CCDC91: variants seen among roughly 807,000 people sequenced by gnomAD.
The protein encoded by CCDC91 is coiled-coil domain containing 91, also known as coiled-coil domain-containing protein 91.
CCDC91 carries 48 observed loss-of-function variants against 63.2 expected under a neutral mutation model. The ratio of observed to expected loss-of-function variants is 0.76; its 90% CI spans 0.60 to 0.97. The LOEUF (loss-of-function observed/expected upper bound fraction) is 0.97. Among genes scored for constraint, CCDC91 ranks in the 50% least tolerant of loss-of-function variants. The probability of loss-of-function intolerance (pLI) is 0.00; values close to 1 mark genes in which losing one functional copy is unlikely to be tolerated. For missense variants in CCDC91, 500 were observed against 494.6 expected (o/e 1.01, Z -0.10); for synonymous variants, 167 against 165.8 (o/e 1.01, Z -0.06).
At chr12:28,276,514 C>G (rs1437634763) in intron 3 of CCDC91, among the ~76,000 whole-genome samples, 1 of 151,896 alleles carries the variant, frequency 6.6e-6, no homozygotes, top group Non-Finnish European at 1.5e-5. Flanking sequence ...TTTCCTGTTT[C>G]TATCATATAC....
intron 8 of CCDC91, among the ~76,000 whole-genome samples, chr12:28,405,910 A>G (rs961659599): frequency 1.5e-4 from 23 of 152,098 alleles, no homozygotes; most frequent in African/African-American, 5.6e-4. Context: ...ATATAGTTAT[A>G]ATGTCTATGT....
At chr12:28,273,406 A>G (rs1032440535) in intron 3 of CCDC91, among the ~76,000 whole-genome samples, 10 of 152,162 alleles carry the variant, frequency 6.6e-5, no homozygotes, top group African/African-American at 2.4e-4. Context: ...ATCCCTGAGG[A>G]ATTGCCACAC....
At chr12:28,200,558 C>G (rs1294338351) in intron 1 of CCDC91, among the ~76,000 whole-genome samples, 1 of 146,788 alleles carries the variant, frequency 6.8e-6, no homozygotes, top group South Asian at 2.2e-4. Flanking sequence ...CCATTTAACC[C>G]TGAGTGGACA....
chr12:28,396,077 A>G (rs1946268194), intron 8 of CCDC91, among the ~76,000 whole-genome samples: 1 of 152,198 alleles, frequency 6.6e-6, no homozygotes, highest in East Asian at 1.9e-4. Flanking sequence ...AAATAGTAAT[A>G]CAAAACTACA....
intron 8 of CCDC91, among the ~76,000 whole-genome samples, chr12:28,402,799 A>G (rs1465890388): frequency 1.3e-5 from 2 of 152,074 alleles, no homozygotes; most frequent in Non-Finnish European, 2.9e-5. Context: ...GTTATTCTTT[A>G]TCAAGTTGAG....
At chr12:28,283,302 G>A (rs61922974) in intron 3 of CCDC91, among the ~76,000 whole-genome samples, 30,220 of 151,072 alleles carry the variant, frequency 0.2, 3,969 homozygotes, top group Non-Finnish European at 0.3. Flanking sequence ...CCTTTGGGGA[G>A]CATGGTCATT....
At chr12:28,236,026 A>G (rs1944923037) in intron 1 of CCDC91, among the ~76,000 whole-genome samples, 2 of 152,140 alleles carry the variant, frequency 1.3e-5, no homozygotes, top group Non-Finnish European at 2.9e-5. Flanking sequence ...TTATTTCAGT[A>G]GACCTTGCTA....
At chr12:28,328,863 C>G (rs1326317434) in intron 6 of CCDC91, among the ~76,000 whole-genome samples, 1 of 151,692 alleles carries the variant, frequency 6.6e-6, no homozygotes, top group Non-Finnish European at 1.5e-5. Flanking sequence ...GGACACTCAG[C>G]TATAGGATAG....
At chr12:28,412,999 ATAT>A in intron 8 of CCDC91, 1 of 220,426 alleles carries the variant, frequency 4.5e-6, no homozygotes, top group Admixed American at 5.5e-5. Flanking sequence ...AGTGGAATCT[ATAT>A]TAATAGGCTT....
chr12:28,362,439 A>T lies in CCDC91; in HGVS notation c.578A>T (p.Glu193Val). 2 of 1,569,538 alleles carry T rather than the reference A, an allele frequency of 1.3e-6. No individual in the cohort carries two copies. The change falls in exon 7 of 13, where the codon GAA (glutamate) becomes GTA (valine). Residue 193 changes from glutamate to valine, a missense_variant and splice_region_variant. Glu to Val is a moderately radical substitution (Grantham distance 121). Coordinates refer to ENST00000536442, the MANE Select transcript of CCDC91 (RefSeq NM_018318.5). ...GTTTTAGTTTCTTTTTTCTTTCAGG[A>T]AAAACATAAACAAGAATTGGAAGAC... ...SFQDRYKELQ[E>V]KHKQELEDMR...
At chr12:28,433,255 G>A (rs1235353707) in intron 8 of CCDC91, among the ~76,000 whole-genome samples, 1 of 151,762 alleles carries the variant, frequency 6.6e-6, no homozygotes, top group Non-Finnish European at 1.5e-5. Context: ...GTGTGTGTGC[G>A]AATTGTGCCT....
At chr12:28,497,210 T>G (rs1952350464) in intron 12 of CCDC91, among the ~76,000 whole-genome samples, 1 of 151,396 alleles carries the variant, frequency 6.6e-6, no homozygotes, top group Non-Finnish European at 1.5e-5. Flanking sequence ...TCTAATCAAT[T>G]AATCTGTTTC....
intron 1 of CCDC91, among the ~76,000 whole-genome samples, chr12:28,202,757 G>A (rs1193943791): frequency 2.6e-5 from 4 of 152,176 alleles, no homozygotes; most frequent in Admixed American, 2.0e-4. Context: ...GCATGAGCTT[G>A]GCCATCTGGA....
At chr12:28,548,661 C>A (rs1369242711) in intron 12 of CCDC91, among the ~76,000 whole-genome samples, 1 of 152,068 alleles carries the variant, frequency 6.6e-6, no homozygotes, top group Non-Finnish European at 1.5e-5. Flanking sequence ...TTCCACTAAA[C>A]CCTGTGTATG....
At chr12:28,480,602 C>T (rs1951393853) in intron 11 of CCDC91, among the ~76,000 whole-genome samples, 1 of 151,978 alleles carries the variant, frequency 6.6e-6, no homozygotes, top group African/African-American at 2.4e-5. Flanking sequence ...ATCTTTGCAC[C>T]TCTAGTTTAT....
chr12:28,465,925 A>G (rs1482291700), intron 11 of CCDC91, among the ~76,000 whole-genome samples: 1 of 152,158 alleles, frequency 6.6e-6, no homozygotes, highest in African/African-American at 2.4e-5. Context: ...TCAAGATAAC[A>G]CAGAGAAGGA....
intron 12 of CCDC91, among the ~76,000 whole-genome samples, chr12:28,508,521 T>C (rs1939005900): frequency 6.6e-6 from 1 of 151,866 alleles, no homozygotes; most frequent in South Asian, 2.1e-4. Flanking sequence ...CTGGATCACT[T>C]GGATGCCAAT....
At chr12:28,440,565 A>G (rs965556446) in intron 8 of CCDC91, among the ~76,000 whole-genome samples, 2 of 152,228 alleles carry the variant, frequency 1.3e-5, no homozygotes, top group African/African-American at 2.4e-5. Flanking sequence ...TAAAAGAAAA[A>G]TCGATAAATT....
At position 28,318,133 on chromosome 12, in the gene CCDC91, A is replaced by G. The variant is rs147489185; in HGVS notation, c.576+10384A>G. On this transcript the variant is annotated intron_variant, in intron 6 of 12. Coordinates refer to ENST00000536442, the MANE Select transcript of CCDC91 (RefSeq NM_018318.5). ...ACCATTTAAACAATGAGAAGAGTAT[A>G]CAAATTTTATTAATTTTATCACCTA... is the stretch of plus-strand genomic sequence containing the variant. 1.1e-4 allele frequency among the ~76,000 whole-genome samples: 16 copies of G among 152,064 alleles called. No homozygotes were observed. The East Asian group carries it at 2.5e-3, about 24-fold the overall frequency.
Sources: gnomAD v4.1 joint callset for allele counts (sites outside exome capture counted in the v4.1 genomes callset) on GRCh38, gnomAD v4.1.1 for gene constraint, MANE v1.5 for transcripts, NCBI Gene and HGNC (gene_info 2026-07-23, HGNC 2026-07-21) for gene names.